Variants in GCNT1 observed in about 807,000 individuals in gnomAD.
GCNT1 encodes glucosaminyl (N-acetyl) transferase 1, also known as beta-1,3-galactosyl-O-glycosyl-glycoprotein beta-1,6-N-acetylglucosaminyltransferase.
Under a neutral mutation model 26.2 loss-of-function variants are expected in GCNT1, and 16 were observed. That is an observed-to-expected ratio of 0.61 (90% CI 0.41 to 0.93). The LOEUF (loss-of-function observed/expected upper bound fraction) is 0.93, where lower values mean the gene tolerates loss of function less well. Ranked by LOEUF, GCNT1 falls within the 40% of genes least tolerant of loss-of-function variation. The probability of loss-of-function intolerance (pLI) is 0.00; values close to 1 mark genes in which losing one functional copy is unlikely to be tolerated. For synonymous variants in GCNT1, 183 were observed against 190.8 expected (o/e 0.96, Z 0.34); for missense variants, 477 against 526.7 (o/e 0.91, Z 0.92).
chr9:76,488,732 C>T (rs544896085), intron 2 of GCNT1, among the ~76,000 whole-genome samples: 6 of 152,336 alleles, frequency 3.9e-5, no homozygotes, highest in African/African-American at 1.4e-4. Flanking sequence ...GATCTGTCTG[C>T]CTCGTCCTCC....
intron 2 of GCNT1, among the ~76,000 whole-genome samples, chr9:76,460,739 CTA>C (rs150307559): frequency 0.11 from 16,644 of 152,150 alleles, 1,019 homozygotes; most frequent in Middle Eastern, 0.21. Context: ...ATATACCAAA[CTA>C]TGAATTTACT....
At chr9:76,400,234 A>G in the GCNT1 span, among the ~76,000 whole-genome samples, 612 of 152,356 alleles carry the variant, frequency 4.0e-3, 2 homozygotes, top group Non-Finnish European at 6.3e-3. Flanking sequence ...TGCTCTAAAA[A>G]GTAGAGTCTA....
chr9:76,467,897 GTTTTTTTTTTTTTT>G (rs35387152), intron 2 of GCNT1, among the ~76,000 whole-genome samples: 1 of 59,054 alleles, frequency 1.7e-5, no homozygotes, highest in Non-Finnish European at 3.1e-5. Flanking sequence ...CTCTTTCAGT[GTTTTTTTTTTTTTT>G]TTTTTTTTTT....
In GCNT1 at chr9:76,505,742, T is replaced by A. The variant is rs1044910458; in HGVS notation, c.*2074T>A. 1.8e-5 allele frequency: 3 copies of A among 166,980 alleles called. No homozygotes were observed. The highest frequency in any genetic ancestry group is 7.2e-5 in the African/African-American group (3 of 41,458). The allele number at this position is 166,980 out of a possible 1,614,324, so 10.3% of individuals were successfully genotyped here. A position where few individuals can be genotyped will look rare whatever the true frequency, so the allele number is the denominator to read the frequency against. On this transcript the variant is annotated 3_prime_UTR_variant, in exon 4 of 4. Coordinates refer to ENST00000376730, the MANE Select transcript of GCNT1 (RefSeq NM_001490.5). ...TGGCAAAATTGGAAATTAAAATTTT[T>A]AAAAATTACAAATATACAAAGTTAT...
upstream of GCNT1, among the ~76,000 whole-genome samples, chr9:76,418,250 G>A (rs1823149618): frequency 6.6e-6 from 1 of 152,200 alleles, no homozygotes; most frequent in South Asian, 2.1e-4. Context: ...TACAATAAGA[G>A]GTTGTGGAAA....
intron 1 of GCNT1, among the ~76,000 whole-genome samples, chr9:76,428,265 C>CAAAAAAAAAAAAAAAA (rs869195487): frequency 6.0e-4 from 18 of 29,762 alleles, no homozygotes; most frequent in African/African-American, 8.1e-4. Flanking sequence ...GACTCCGTCT[C>CAAAAAAAAAAAAAAAA]AAAAAAAAAA....
In GCNT1 at chr9:76,502,617, C is replaced by T; in HGVS notation, c.236C>T (p.Thr79Ile). ...EIQKVKLEIL[T>I]VKFKKRPRWT... ...CAAAAGGTAAAGCTTGAGATCCTAA[C>T]AGTGAAATTTAAAAAGCGCCCTCGG... The change falls in exon 4 of 4, where the codon ACA (threonine) becomes ATA (isoleucine). Residue 79 changes from threonine (T) to isoleucine (I), a missense_variant. Coordinates refer to ENST00000376730, the MANE Select transcript of GCNT1 (RefSeq NM_001490.5). 6.2e-7 allele frequency: 1 copy of T among 1,613,710 alleles called. No homozygotes were observed. The highest frequency in any genetic ancestry group is 8.5e-7 in the Non-Finnish European group (1 of 1,179,824).
the GCNT1 span, among the ~76,000 whole-genome samples, chr9:76,414,278 A>G: frequency 6.6e-6 from 1 of 152,130 alleles, no homozygotes; most frequent in Admixed American, 6.6e-5. Context: ...TTGCTGAATG[A>G]CACCTTTCAA....
chr9:76,399,271 T>G, the GCNT1 span: 5 of 1,440,662 alleles, frequency 3.5e-6, no homozygotes, highest in East Asian at 2.3e-5. Flanking sequence ...CGATTTCCTA[T>G]GACCACCCGT....
chr9:76,394,132 G>A, the GCNT1 span: 1 of 1,609,734 alleles, frequency 6.2e-7, no homozygotes, highest in Non-Finnish European at 8.5e-7. Context: ...CCGAAGCCCC[G>A]CACCACTTGA....
At chr9:76,468,074 T>C (rs1824046219) in intron 2 of GCNT1, among the ~76,000 whole-genome samples, 4 of 151,982 alleles carry the variant, frequency 2.6e-5, no homozygotes, top group African/African-American at 9.7e-5. Context: ...GCCTGGCTAA[T>C]TAGTAAATAC....
rs959665837 is a variant in GCNT1, at chr9:76,491,068, A to C, written c.-289-9848A>C. The stretch of plus-strand genomic sequence containing the variant: ...ACCCTGGCTTTTAAAGGAATAGATT[A>C]CACTTTTTTCTTTACTACTTCCATC... On this transcript the variant is annotated intron_variant, in intron 2 of 3. Coordinates refer to ENST00000376730, the MANE Select transcript of GCNT1 (RefSeq NM_001490.5). Among the ~76,000 whole-genome samples the C allele has an allele frequency of 2.0e-5, 3 of 152,296 alleles. 1 individual carries two copies. The highest frequency in any genetic ancestry group is 4.4e-5 in the Non-Finnish European group (3 of 68,024).
chr9:76,479,112 G>A (rs1238099221), intron 2 of GCNT1, among the ~76,000 whole-genome samples: 2 of 152,000 alleles, frequency 1.3e-5, no homozygotes, highest in African/African-American at 4.8e-5. Flanking sequence ...GCGATGTTTG[G>A]TTTTTTGTCC....
intron 2 of GCNT1, among the ~76,000 whole-genome samples, chr9:76,480,469 T>A (rs1366167182): frequency 6.6e-6 from 1 of 152,180 alleles, no homozygotes; most frequent in Non-Finnish European, 1.5e-5. Flanking sequence ...TTCACGATAT[T>A]GATTCTTTTC....
intron 1 of GCNT1, among the ~76,000 whole-genome samples, chr9:76,429,768 T>G (rs1029587685): frequency 2.0e-5 from 3 of 149,798 alleles, no homozygotes; most frequent in Non-Finnish European, 4.4e-5. Flanking sequence ...AGGCTGGAGT[T>G]CAGTGGCGCA....
At chr9:76,428,852 C>G (rs1420122312) in intron 1 of GCNT1, among the ~76,000 whole-genome samples, 1 of 152,010 alleles carries the variant, frequency 6.6e-6, no homozygotes, top group Non-Finnish European at 1.5e-5. Context: ...AGGCATGCAC[C>G]ACCACACCCG....
upstream of GCNT1, among the ~76,000 whole-genome samples, chr9:76,440,035 A>G (rs919723125): frequency 1.3e-5 from 2 of 151,522 alleles, no homozygotes; most frequent in Non-Finnish European, 2.9e-5. Context: ...CAGGAGGCGG[A>G]GGTTGCAGTG....
At chr9:76,443,938 G>GGAAGAAAGGAAGAAAGGAAGA (rs1564225862) in intron 1 of GCNT1, among the ~76,000 whole-genome samples, 1 of 58,386 alleles carries the variant, frequency 1.7e-5, no homozygotes, top group African/African-American at 6.6e-5. Flanking sequence ...AGAAAGGAAG[G>GGAAGAAAGGAAGAAAGGAAGA]AAGGAAGGAA....
upstream of GCNT1, among the ~76,000 whole-genome samples, chr9:76,455,744 G>A (rs1208933555): frequency 6.7e-6 from 1 of 149,190 alleles, no homozygotes; most frequent in Non-Finnish European, 1.5e-5. Context: ...TAGGATTACA[G>A]GCATGTGCCA....
Sources: allele counts gnomAD v4.1 joint callset (sites outside exome capture counted in the v4.1 genomes callset), GRCh38; gene constraint gnomAD v4.1.1; transcripts MANE v1.5; gene names NCBI Gene and HGNC (gene_info 2026-07-23, HGNC 2026-07-21).